The following NLGN1 variants were observed in gnomAD, a reference collection of about 807,000 sequenced individuals.
NLGN1 encodes neuroligin 1.
A neutral mutation model predicts 65.5 loss-of-function variants in NLGN1; 12 were observed. The observed-to-expected ratio is 0.18, with a 90% confidence interval of 0.12 to 0.30. NLGN1 has a LOEUF of 0.30. Ranked by LOEUF, NLGN1 falls within the 10% of genes least tolerant of loss-of-function variation. The pLI is 1.00. For synonymous variants in NLGN1, 350 were observed against 359.5 expected (o/e 0.97, Z 0.30); for missense variants, 750 against 1,007.1 (o/e 0.74, Z 3.46).
intron 4 of NLGN1, among the ~76,000 whole-genome samples, chr3:174,062,799 A>G (rs1737699633): frequency 6.6e-6 from 1 of 152,048 alleles, no homozygotes; most frequent in African/African-American, 2.4e-5. Flanking sequence ...TATTTTTTCT[A>G]TTAAAATGTA....
At chr3:174,014,830 G>C (rs1462407293) in intron 4 of NLGN1, among the ~76,000 whole-genome samples, 2 of 152,120 alleles carry the variant, frequency 1.3e-5, no homozygotes, top group African/African-American at 4.8e-5. Context: ...AATCAAGCGA[G>C]GGATCATGTA....
chr3:174,243,126 A>G (rs557865736), intron 4 of NLGN1, among the ~76,000 whole-genome samples: 1 of 152,350 alleles, frequency 6.6e-6, no homozygotes, highest in African/African-American at 2.4e-5. Flanking sequence ...TGGAAAACTG[A>G]ATAGATTATC....
chr3:173,535,693 A>C (rs1352154932), intron 2 of NLGN1, among the ~76,000 whole-genome samples: 1 of 152,218 alleles, frequency 6.6e-6, no homozygotes, highest in African/African-American at 2.4e-5. Flanking sequence ...CCCACTTTTA[A>C]TAATGGATTT....
intron 4 of NLGN1, among the ~76,000 whole-genome samples, chr3:173,874,787 G>T (rs1731815555): frequency 6.6e-6 from 1 of 152,106 alleles, no homozygotes; most frequent in South Asian, 2.1e-4. Flanking sequence ...TACATTTTGG[G>T]TGATAAATTT....
intron 4 of NLGN1, among the ~76,000 whole-genome samples, chr3:173,872,294 T>C (rs1731321112): frequency 6.6e-6 from 1 of 152,200 alleles, no homozygotes; most frequent in African/African-American, 2.4e-5. Context: ...GGTTTTCTAA[T>C]GCGTCCCCAG....
At chr3:173,609,089 G>A (rs559043886) in intron 3 of NLGN1, among the ~76,000 whole-genome samples, 4 of 151,996 alleles carry the variant, frequency 2.6e-5, no homozygotes, top group African/African-American at 9.6e-5. Flanking sequence ...ACAAGAAAGT[G>A]GTCAAATATT....
intron 2 of NLGN1, among the ~76,000 whole-genome samples, chr3:173,540,544 G>A (rs1738681295): frequency 6.6e-6 from 1 of 152,168 alleles, no homozygotes; most frequent in South Asian, 2.1e-4. Context: ...CCTCCACCTG[G>A]AAGTGACACA....
chr3:173,426,060 T>C (rs1351080970), intron 1 of NLGN1, among the ~76,000 whole-genome samples: 4 of 152,144 alleles, frequency 2.6e-5, no homozygotes, highest in African/African-American at 9.7e-5. Flanking sequence ...TGGTGAAATT[T>C]ATTCCTAGGT....
intron 4 of NLGN1, among the ~76,000 whole-genome samples, chr3:173,972,473 A>G (rs952717582): frequency 6.6e-6 from 1 of 152,172 alleles, no homozygotes; most frequent in African/African-American, 2.4e-5. Context: ...ATTCTGGCAC[A>G]TTTGGTTCAG....
chr3:173,578,004 A>T (rs1745788016), intron 2 of NLGN1, among the ~76,000 whole-genome samples: 2 of 152,144 alleles, frequency 1.3e-5, no homozygotes, highest in Admixed American at 1.3e-4. Flanking sequence ...TGGGAGGCTG[A>T]GGCAGGTGGA....
At chr3:173,683,545 A>G (rs1218383618) in intron 3 of NLGN1, among the ~76,000 whole-genome samples, 3 of 152,168 alleles carry the variant, frequency 2.0e-5, no homozygotes, top group Non-Finnish European at 1.5e-5. Flanking sequence ...GTAACTCAAA[A>G]TATGGTTTTT....
At chr3:173,803,710 G>T (rs1022458475) in intron 3 of NLGN1, among the ~76,000 whole-genome samples, 13 of 152,070 alleles carry the variant, frequency 8.5e-5, no homozygotes, top group Non-Finnish European at 1.8e-4. Context: ...ATTCTGTTAT[G>T]TCCAGTTTAA....
intron 4 of NLGN1, among the ~76,000 whole-genome samples, chr3:174,126,523 C>T (rs1718974307): frequency 6.6e-6 from 1 of 152,060 alleles, no homozygotes; most frequent in Admixed American, 6.6e-5. Context: ...ATTTATGTAA[C>T]TTAATTGTTA....
chr3:173,490,200 TTTC>T (rs1415533915), intron 2 of NLGN1, among the ~76,000 whole-genome samples: 21 of 152,328 alleles, frequency 1.4e-4, no homozygotes, highest in African/African-American at 5.1e-4. Context: ...TTGCCTAGGT[TTTC>T]TTCTAGGGTT....
At chr3:173,590,410 C>T (rs1748275299) in intron 2 of NLGN1, among the ~76,000 whole-genome samples, 1 of 152,126 alleles carries the variant, frequency 6.6e-6, no homozygotes. Flanking sequence ...TATTTCACGC[C>T]ACGGTCTTTA....
At chr3:174,251,265 A>G (rs1744721521) in intron 4 of NLGN1, among the ~76,000 whole-genome samples, 1 of 152,234 alleles carries the variant, frequency 6.6e-6, no homozygotes, top group Admixed American at 6.5e-5. Flanking sequence ...AATTCTTTGT[A>G]AGAAATGGTT....
At chr3:173,532,154 G>C (rs1318667608) in intron 2 of NLGN1, among the ~76,000 whole-genome samples, 1 of 151,960 alleles carries the variant, frequency 6.6e-6, no homozygotes, top group Non-Finnish European at 1.5e-5. Flanking sequence ...CTCTGTTCTT[G>C]TCTTTCTTTC....
intron 2 of NLGN1, among the ~76,000 whole-genome samples, chr3:173,497,770 G>C (rs1730278568): frequency 6.6e-6 from 1 of 151,716 alleles, no homozygotes; most frequent in Non-Finnish European, 1.5e-5. Context: ...CAATATTCAA[G>C]GCCCAGGTAG....
chr3:173,867,388 T>C (rs1229543441), intron 4 of NLGN1, among the ~76,000 whole-genome samples: 1 of 152,152 alleles, frequency 6.6e-6, no homozygotes, highest in Non-Finnish European at 1.5e-5. Context: ...TTGCATAAGG[T>C]TAAAATACAG....
Sources: gnomAD v4.1 joint callset for allele counts (sites outside exome capture counted in the v4.1 genomes callset) on GRCh38, gnomAD v4.1.1 for gene constraint, MANE v1.5 for transcripts, NCBI Gene and HGNC (gene_info 2026-07-23, HGNC 2026-07-21) for gene names.